ZNF804A: variants seen among roughly 807,000 people sequenced by gnomAD.
The protein encoded by ZNF804A is zinc finger protein 804A.
In ZNF804A, 2 loss-of-function variants were observed where a neutral mutation model predicts 16.5. The ratio of observed to expected loss-of-function variants is 0.12; its 90% CI spans 0.05 to 0.38. ZNF804A has a LOEUF of 0.38. Ranked by LOEUF, ZNF804A falls within the 10% of genes least tolerant of loss-of-function variation. The probability of loss-of-function intolerance (pLI) is 0.99; values close to 1 mark genes in which losing one functional copy is unlikely to be tolerated. For synonymous variants in ZNF804A, 534 were observed against 489.6 expected (o/e 1.09, Z -1.20); for missense variants, 1,473 against 1,390.7 (o/e 1.06, Z -0.94).
chr2:184,781,634 G>A (rs921951331), intron 1 of ZNF804A, among the ~76,000 whole-genome samples: 9 of 151,724 alleles, frequency 5.9e-5, no homozygotes, highest in South Asian at 2.1e-4. Context: ...CTGTGTACAC[G>A]TATTTTCTGT....
At chr2:184,875,332 G>C (rs1169381291) in intron 2 of ZNF804A, among the ~76,000 whole-genome samples, 1 of 152,102 alleles carries the variant, frequency 6.6e-6, no homozygotes, top group Non-Finnish European at 1.5e-5. Flanking sequence ...TGAATGGCTT[G>C]GTGCCATTCT....
intron 1 of ZNF804A, among the ~76,000 whole-genome samples, chr2:184,619,518 A>G (rs566277430): frequency 1.1e-4 from 17 of 152,150 alleles, no homozygotes; most frequent in Admixed American, 3.9e-4. Flanking sequence ...GAATAAAATT[A>G]ATGATATCCT....
At chr2:184,800,874 A>G (rs1287704967) in intron 1 of ZNF804A, among the ~76,000 whole-genome samples, 1 of 152,110 alleles carries the variant, frequency 6.6e-6, no homozygotes, top group Non-Finnish European at 1.5e-5. Context: ...TAAGAATAAG[A>G]GAAAGAAAAT....
rs960569307 is a variant in ZNF804A, at chr2:184,696,631, G to A, written c.111+97561G>A. On this transcript the variant is annotated intron_variant, in intron 1 of 3. Coordinates refer to ENST00000302277, the MANE Select transcript of ZNF804A (RefSeq NM_194250.2). Reference sequence around the variant, plus strand: ...ATTTTATATGATTTAAACAAAGCAAGCAACCAATCTTTTAATAATTTGACA... The same window carrying A: ...ATTTTATATGATTTAAACAAAGCAAACAACCAATCTTTTAATAATTTGACA... Among the ~76,000 whole-genome samples, 5 of 152,120 alleles carry A rather than the reference G, an allele frequency of 3.3e-5. 1 individual carries two copies. Among genetic ancestry groups the A allele is most frequent in the Admixed American group, 3.3e-4 (5 of 15,270 alleles).
At chr2:184,854,470 A>G (rs1695657556) in intron 1 of ZNF804A, among the ~76,000 whole-genome samples, 2 of 152,008 alleles carry the variant, frequency 1.3e-5, no homozygotes, top group African/African-American at 2.4e-5. Context: ...GATGTGCATT[A>G]CCCACTGTAT....
chr2:184,787,821 T>C (rs918846282), intron 1 of ZNF804A, among the ~76,000 whole-genome samples: 2 of 141,816 alleles, frequency 1.4e-5, no homozygotes, highest in African/African-American at 2.8e-5. Flanking sequence ...ATTATTTCTT[T>C]TGCTGTTTTT....
intron 1 of ZNF804A, among the ~76,000 whole-genome samples, chr2:184,647,980 T>G (rs931067156): frequency 1.3e-5 from 2 of 152,092 alleles, no homozygotes; most frequent in African/African-American, 4.8e-5. Flanking sequence ...TAAAGACAGC[T>G]AGATAAAAAG....
At chr2:184,839,643 T>G (rs1695405524) in intron 1 of ZNF804A, among the ~76,000 whole-genome samples, 1 of 152,162 alleles carries the variant, frequency 6.6e-6, no homozygotes, top group African/African-American at 2.4e-5. Context: ...GAATTGAACT[T>G]ACACTTTAAA....
At chr2:184,875,529 A>C (rs1696041400) in intron 2 of ZNF804A, among the ~76,000 whole-genome samples, 1 of 152,090 alleles carries the variant, frequency 6.6e-6, no homozygotes, top group African/African-American at 2.4e-5. Context: ...TGCTGCCCTC[A>C]TGTTTCTTGT....
chr2:184,840,300 C>T (rs1695416635), intron 1 of ZNF804A, among the ~76,000 whole-genome samples: 1 of 152,100 alleles, frequency 6.6e-6, no homozygotes, highest in African/African-American at 2.4e-5. Context: ...AGAAGAATCG[C>T]TTGAACCTGG....
rs115078505 is a variant in ZNF804A, at chr2:184,938,342, A to G, written c.2946A>G (p.Gly982=). The change falls in exon 4 of 4, where the codon GGA becomes GGG. Residue 982 remains glycine (G), a synonymous_variant. Coordinates refer to ENST00000302277, the MANE Select transcript of ZNF804A (RefSeq NM_194250.2). ...AACTGGCTGAGGCCCTTCCACAAGG[A>G]AAGATGAATGAGACACCAACTGAGT... ...HYELAEALPQ[G]KMNETPTEWL... 2.1e-5 allele frequency: 34 copies of G among 1,614,166 alleles called. No individual in the cohort carries two copies. In the African/African-American group the frequency reaches 4.3e-4, roughly 20 times the overall value.
At chr2:184,743,999 A>G (rs1693747483) in intron 1 of ZNF804A, among the ~76,000 whole-genome samples, 1 of 151,946 alleles carries the variant, frequency 6.6e-6, no homozygotes, top group Non-Finnish European at 1.5e-5. Flanking sequence ...TTTTGGATTC[A>G]TATGGTAATA....
chr2:184,731,787 C>T (rs1693525916), intron 1 of ZNF804A, among the ~76,000 whole-genome samples: 1 of 151,976 alleles, frequency 6.6e-6, no homozygotes, highest in South Asian at 2.1e-4. Context: ...GTAGTCCAGG[C>T]TGATCTCGAA....
At chr2:184,935,283 T>C (rs1339328681) in intron 3 of ZNF804A, among the ~76,000 whole-genome samples, 2 of 152,156 alleles carry the variant, frequency 1.3e-5, no homozygotes, top group African/African-American at 4.8e-5. Context: ...CCCATACCAA[T>C]TGGGCTATAG....
In ZNF804A at chr2:184,791,418, G is replaced by C. The variant is rs1694538118; in HGVS notation, c.112-74951G>C. On this transcript the variant is annotated intron_variant, in intron 1 of 3. Coordinates refer to ENST00000302277, the MANE Select transcript of ZNF804A (RefSeq NM_194250.2). ...ACTTTATTTCTCCTTCATTTATGAA[G>C]TTTAGTTTGGCAGGATACAAGCTTC... 4.6e-5 allele frequency among the ~76,000 whole-genome samples: 7 copies of C among 152,288 alleles called. No homozygotes were observed. The South Asian group carries it at 1.4e-3, about 32-fold the overall frequency.
intron 2 of ZNF804A, among the ~76,000 whole-genome samples, chr2:184,870,753 T>C (rs1558988263): frequency 6.6e-6 from 1 of 152,004 alleles, no homozygotes; most frequent in Non-Finnish European, 1.5e-5. Context: ...AACAAAATGA[T>C]CTATTTATGG....
intron 1 of ZNF804A, among the ~76,000 whole-genome samples, chr2:184,699,473 A>G (rs1559129449): frequency 6.6e-6 from 1 of 152,120 alleles, no homozygotes; most frequent in Non-Finnish European, 1.5e-5. Context: ...AAGATGACCA[A>G]AGCTGCTGCC....
intron 1 of ZNF804A, among the ~76,000 whole-genome samples, chr2:184,698,171 A>G (rs1346109486): frequency 6.6e-6 from 1 of 152,088 alleles, no homozygotes; most frequent in African/African-American, 2.4e-5. Flanking sequence ...GAAGTGCTAG[A>G]ACAGTAACCA....
chr2:184,809,312 A>G (rs1481284093), intron 1 of ZNF804A, among the ~76,000 whole-genome samples: 1 of 151,830 alleles, frequency 6.6e-6, no homozygotes, highest in Non-Finnish European at 1.5e-5. Flanking sequence ...GAAGGGACTC[A>G]AGAAAAGAAT....
Sources: gnomAD v4.1 joint callset for allele counts (sites outside exome capture counted in the v4.1 genomes callset) on GRCh38, gnomAD v4.1.1 for gene constraint, MANE v1.5 for transcripts, NCBI Gene and HGNC (gene_info 2026-07-23, HGNC 2026-07-21) for gene names.